The following SULF1 variants were observed in gnomAD, a reference collection of about 807,000 sequenced individuals.
SULF1 encodes the protein sulfatase 1.
A neutral mutation model predicts 110.5 loss-of-function variants in SULF1; 46 were observed. That is an observed-to-expected ratio of 0.42 (90% CI 0.33 to 0.53). The LOEUF (loss-of-function observed/expected upper bound fraction) is 0.53, where lower values mean the gene tolerates loss of function less well. Ranked by LOEUF, SULF1 falls within the 20% of genes least tolerant of loss-of-function variation. The pLI, the probability that SULF1 is intolerant of heterozygous loss-of-function variation, is 0.12. For synonymous variants in SULF1, 371 were observed against 387.1 expected, an observed-to-expected ratio of 0.96 and a Z score of 0.49; for missense variants, 941 against 1,094.2, an observed-to-expected ratio of 0.86 and a Z score of 1.98.
intron 3 of SULF1, among the ~76,000 whole-genome samples, chr8:69,510,968 A>G (rs1320514408): frequency 1.3e-5 from 2 of 151,690 alleles, no homozygotes; most frequent in Non-Finnish European, 2.9e-5. Flanking sequence ...ACACACACAC[A>G]CACACACACA....
At chr8:69,641,075 C>T (rs1032648047) in intron 22 of SULF1, 6 of 388,556 alleles carry the variant, frequency 1.5e-5, no homozygotes, top group African/African-American at 1.2e-4. Flanking sequence ...CACTCCCATG[C>T]TTGTTTGCTT....
intron 3 of SULF1, among the ~76,000 whole-genome samples, chr8:69,553,204 T>C (rs1369493840): frequency 6.6e-6 from 1 of 152,270 alleles, no homozygotes; most frequent in Admixed American, 6.5e-5. Flanking sequence ...ATGGCCTGCA[T>C]GCCAGAGCAT....
At chr8:69,571,143 A>G (rs58166031) in intron 5 of SULF1, among the ~76,000 whole-genome samples, 4,273 of 152,340 alleles carry the variant, frequency 0.028, 198 homozygotes, top group African/African-American at 0.096. Context: ...TAGAAAAGGT[A>G]GTTGACCTCT....
intron 15 of SULF1, among the ~76,000 whole-genome samples, chr8:69,626,514 C>T (rs984457264): frequency 1.3e-5 from 2 of 152,244 alleles, no homozygotes; most frequent in African/African-American, 4.8e-5. Context: ...GTCGATGGGA[C>T]TGGGAGCCAT....
chr8:69,528,490 G>A (rs770708791), intron 3 of SULF1, among the ~76,000 whole-genome samples: 18 of 152,236 alleles, frequency 1.2e-4, no homozygotes, highest in Non-Finnish European at 2.2e-4. Flanking sequence ...CTTTGTAGTC[G>A]AGACACCTCT....
intron 17 of SULF1, 95 bp from the exon 18 acceptor site, chr8:69,628,076 C>G: frequency 9.3e-7 from 1 of 1,076,214 alleles, no homozygotes; most frequent in Non-Finnish European, 1.4e-6. Flanking sequence ...ACATCACTGC[C>G]TTCCTTCTTT....
intron 5 of SULF1, among the ~76,000 whole-genome samples, chr8:69,569,452 G>T (rs1298421993): frequency 2.0e-5 from 3 of 152,228 alleles, no homozygotes; most frequent in Non-Finnish European, 4.4e-5. Flanking sequence ...TCACTTGGAT[G>T]TTTGAAGGGG....
chr8:69,488,812 G>A (rs1192587345), upstream of SULF1, among the ~76,000 whole-genome samples: 1 of 151,936 alleles, frequency 6.6e-6, no homozygotes, highest in Non-Finnish European at 1.5e-5. Flanking sequence ...TACCATGCAG[G>A]GCACACAGGG....
At chr8:69,646,106 A>C (rs1290155492) in intron 22 of SULF1, among the ~76,000 whole-genome samples, 1 of 152,116 alleles carries the variant, frequency 6.6e-6, no homozygotes, top group Non-Finnish European at 1.5e-5. Context: ...AAATGTGGTC[A>C]CCCTAGTTAC....
chr8:69,653,452 CCAGA>C (rs1340703958), intron 22 of SULF1, among the ~76,000 whole-genome samples: 6 of 152,198 alleles, frequency 3.9e-5, no homozygotes, highest in African/African-American at 1.2e-4. Context: ...AAATAAATAG[CCAGA>C]CAAAGAGGTA....
chr8:69,566,007 A>C (rs1586419471), intron 5 of SULF1, among the ~76,000 whole-genome samples: 1 of 152,032 alleles, frequency 6.6e-6, no homozygotes, highest in Non-Finnish European at 1.5e-5. Flanking sequence ...TGGTGTTCCC[A>C]AAACAAAACC....
chr8:69,526,427 A>T (rs572410236), intron 3 of SULF1, among the ~76,000 whole-genome samples: 27 of 152,160 alleles, frequency 1.8e-4, no homozygotes, highest in African/African-American at 3.1e-4. Context: ...GTCAATTTTT[A>T]AAAAATCTTC....
intron 20 of SULF1, 37 bp from the exon 21 acceptor site, chr8:69,638,698 C>CGTCT: frequency 4.3e-6 from 7 of 1,613,034 alleles, no homozygotes; most frequent in Non-Finnish European, 5.9e-6. Context: ...GATAACCAGA[C>CGTCT]ATAAGCTTAA....
At chr8:69,604,678 A>G (rs1808082440) in intron 12 of SULF1, 125 bp from the exon 13 acceptor site, 1 of 1,250,616 alleles carries the variant, frequency 8.0e-7, no homozygotes, top group East Asian at 2.4e-5. Context: ...GAGCTTTAAC[A>G]TCTATTTCTT....
At chr8:69,537,921 T>TG (rs962650706) in intron 3 of SULF1, among the ~76,000 whole-genome samples, 1 of 74,674 alleles carries the variant, frequency 1.3e-5, no homozygotes, top group African/African-American at 4.5e-5. Context: ...AATAGAAAAT[T>TG]GAAAAAAAAG....
At position 69,600,712 on chromosome 8, in the gene SULF1, A is replaced by C; in HGVS notation, c.844A>C (p.Arg282=). The C allele has an allele frequency of 1.9e-6, 3 of 1,614,010 alleles. No individual in the cohort carries two copies. The highest frequency in any genetic ancestry group is 2.5e-6 in the Non-Finnish European group (3 of 1,179,920). The change falls in exon 9 of 23, where the codon AGG becomes CGG. Residue 282 remains arginine, a synonymous_variant. Coordinates refer to ENST00000402687, the MANE Select transcript of SULF1 (RefSeq NM_001128205.2). ...MEFTNILQRK[R]LQTLMSVDDS... ...ATTTACAAACATTCTACAGCGCAAAAGGCTCCAGACTTTGATGTCAGTGGA... is the reference window on the plus strand; with the variant it reads ...ATTTACAAACATTCTACAGCGCAAACGGCTCCAGACTTTGATGTCAGTGGA...
At chr8:69,488,588 C>T (rs573282969), upstream of SULF1, among the ~76,000 whole-genome samples, 4 of 151,946 alleles carry the variant, frequency 2.6e-5, no homozygotes, top group Admixed American at 6.6e-5. Context: ...CACTAGTTCT[C>T]GGTGAAAATT....
At chr8:69,507,962 G>A (rs1209308868) in intron 3 of SULF1, among the ~76,000 whole-genome samples, 2 of 152,166 alleles carry the variant, frequency 1.3e-5, no homozygotes, top group African/African-American at 2.4e-5. Flanking sequence ...AGACTGCTTT[G>A]GATCGTGGCC....
At chr8:69,546,782 G>A (rs1814288861) in intron 3 of SULF1, among the ~76,000 whole-genome samples, 2 of 152,096 alleles carry the variant, frequency 1.3e-5, no homozygotes, top group Admixed American at 1.3e-4. Flanking sequence ...ACATCATAAT[G>A]TTGCTAAAAT....
Sources: allele counts gnomAD v4.1 joint callset (sites outside exome capture counted in the v4.1 genomes callset), GRCh38; gene constraint gnomAD v4.1.1; transcripts MANE v1.5; gene names NCBI Gene and HGNC (gene_info 2026-07-23, HGNC 2026-07-21).